TSHR: variants seen among roughly 807,000 people sequenced by gnomAD.
The protein encoded by TSHR is thyroid stimulating hormone receptor.
TSHR carries 51 observed loss-of-function variants against 64.1 expected under a neutral mutation model. That is an observed-to-expected ratio of 0.80 (90% CI 0.64 to 1.01). TSHR has a LOEUF of 1.01. Among genes scored for constraint, TSHR ranks in the 50% least tolerant of loss-of-function variants. The pLI is 0.00. For missense variants in TSHR, 877 were observed against 942.8 expected (o/e 0.93, Z 0.91); for synonymous variants, 361 against 361.9 (o/e 1.00, Z 0.03).
intron 1 of TSHR, among the ~76,000 whole-genome samples, chr14:81,026,534 A>T (rs1884063437): frequency 6.6e-6 from 1 of 152,232 alleles, no homozygotes; most frequent in South Asian, 2.1e-4. Flanking sequence ...AAATATTTTT[A>T]TTGCCCTAGA....
chr14:81,137,118 G>A (rs1891486763), intron 8 of TSHR, among the ~76,000 whole-genome samples: 1 of 152,126 alleles, frequency 6.6e-6, no homozygotes, highest in African/African-American at 2.4e-5. Flanking sequence ...TGAATCACCT[G>A]GAGAGCATCT....
chr14:81,100,494 AC>A (rs1889508942), intron 7 of TSHR, among the ~76,000 whole-genome samples: 1 of 152,164 alleles, frequency 6.6e-6, no homozygotes, highest in Non-Finnish European at 1.5e-5. Context: ...CTACAATTTA[AC>A]TCAGTTCTGA....
chr14:81,077,555 A>G (rs1887596012), intron 3 of TSHR, among the ~76,000 whole-genome samples: 1 of 152,240 alleles, frequency 6.6e-6, no homozygotes, highest in Non-Finnish European at 1.5e-5. Flanking sequence ...AGCCAAAGCA[A>G]CTGAGATTCA....
intron 1 of TSHR, among the ~76,000 whole-genome samples, chr14:81,048,141 G>T (rs959175222): frequency 6.6e-6 from 1 of 151,848 alleles, no homozygotes; most frequent in African/African-American, 2.4e-5. Context: ...CCCTTTTTCA[G>T]TTGAGGTTAA....
At chr14:80,983,119 C>A in intron 1 of TSHR, 1 of 740,668 alleles carries the variant, frequency 1.4e-6, no homozygotes, top group Non-Finnish European at 2.2e-6. Flanking sequence ...TTTCCTTCCC[C>A]AGAAATGAGA....
At chr14:80,966,014 A>C (rs78645039) in intron 1 of TSHR, among the ~76,000 whole-genome samples, 2,199 of 152,296 alleles carry the variant, frequency 0.014, 18 homozygotes, top group Middle Eastern at 0.048. Context: ...CCTTATGTCC[A>C]AATTTTTCTT....
chr14:81,037,308 C>T lies in TSHR; in HGVS notation c.171-24840C>T, dbSNP rs559767513. On this transcript the variant is annotated intron_variant, in intron 1 of 9. Transcript: ENST00000298171. ...ATGGTAACCACAAAGAAAAAAATTA[C>T]GGCAGATACACAATGAAAAAGAAAA... 2.3e-4 allele frequency among the ~76,000 whole-genome samples: 33 copies of T among 146,462 alleles called. No individual in the cohort carries two copies. In the East Asian group the frequency reaches 3.6e-3, roughly 16 times the overall value.
intron 1 of TSHR, among the ~76,000 whole-genome samples, chr14:80,968,155 C>T (rs1450272042): frequency 6.6e-6 from 1 of 152,138 alleles, no homozygotes; most frequent in Non-Finnish European, 1.5e-5. Context: ...AGATGCAGTA[C>T]TGTCGAGTTG....
chr14:81,087,589 T>C (rs1009300727), intron 3 of TSHR: 4 of 321,738 alleles, frequency 1.2e-5, no homozygotes, highest in African/African-American at 4.4e-5. Flanking sequence ...AGAATACTTA[T>C]AAATAATAAA....
intron 1 of TSHR, among the ~76,000 whole-genome samples, chr14:81,056,407 G>T (rs1434095849): frequency 6.6e-6 from 1 of 152,048 alleles, no homozygotes; most frequent in African/African-American, 2.4e-5. Context: ...ATGGGTTTAT[G>T]TGTACATATA....
chr14:80,995,359 C>A (rs1287349175), intron 1 of TSHR: 1 of 152,076 alleles, frequency 6.6e-6, no homozygotes, highest in East Asian at 1.9e-4. Flanking sequence ...ATAAATAATT[C>A]TATTATAAAG....
At chr14:81,007,670 A>G (rs534053605) in intron 1 of TSHR, among the ~76,000 whole-genome samples, 9 of 152,272 alleles carry the variant, frequency 5.9e-5, no homozygotes, top group African/African-American at 2.2e-4. Flanking sequence ...CCTTCTTTCC[A>G]TACTGTATTC....
intron 1 of TSHR, among the ~76,000 whole-genome samples, chr14:81,045,050 T>C (rs979399008): frequency 6.6e-6 from 1 of 152,190 alleles, no homozygotes; most frequent in Non-Finnish European, 1.5e-5. Context: ...ATACACACCA[T>C]GGAATACTAT....
intron 8 of TSHR, among the ~76,000 whole-genome samples, chr14:81,134,067 C>A (rs1388838327): frequency 6.6e-6 from 1 of 152,090 alleles, no homozygotes; most frequent in Non-Finnish European, 1.5e-5. Context: ...AATTTAAAAC[C>A]CATGTTCCTA....
chr14:81,113,497 T>C (rs1053672170), intron 8 of TSHR, among the ~76,000 whole-genome samples: 2 of 152,144 alleles, frequency 1.3e-5, no homozygotes, highest in Admixed American at 6.5e-5. Flanking sequence ...GATGAGGGGA[T>C]ACAGGTATAG....
At chr14:81,037,314 A>T (rs1884677107) in intron 1 of TSHR, among the ~76,000 whole-genome samples, 1 of 145,468 alleles carries the variant, frequency 6.9e-6, no homozygotes, top group Non-Finnish European at 1.5e-5. Flanking sequence ...ATTACGGCAG[A>T]TACACAATGA....
chr14:80,984,265 AT>A (rs1888326391), intron 1 of TSHR, among the ~76,000 whole-genome samples: 1 of 152,164 alleles, frequency 6.6e-6, no homozygotes, highest in South Asian at 2.1e-4. Context: ...TTCAATTTTA[AT>A]TTTGCTTCTA....
intron 1 of TSHR, chr14:81,032,394 C>A: frequency 4.5e-6 from 1 of 222,594 alleles, no homozygotes; most frequent in East Asian, 1.1e-4. Flanking sequence ...TTAGAGAAGA[C>A]TGTTGACACA....
chr14:81,130,787 C>T (rs2140086294), intron 8 of TSHR, among the ~76,000 whole-genome samples: 1 of 134,138 alleles, frequency 7.5e-6, no homozygotes, highest in South Asian at 2.6e-4. Context: ...GTCAGGAGAT[C>T]GAGACCATCC....
Sources: allele counts gnomAD v4.1 joint callset (sites outside exome capture counted in the v4.1 genomes callset), GRCh38; gene constraint gnomAD v4.1.1; transcripts MANE v1.5; gene names NCBI Gene and HGNC (gene_info 2026-07-23, HGNC 2026-07-21).